FSTL5: variants seen among roughly 807,000 people sequenced by gnomAD.
FSTL5 encodes the protein follistatin like 5, also known as follistatin-related protein 5.
In FSTL5, 62 loss-of-function variants were observed where a neutral mutation model predicts 89.1. That is an observed-to-expected ratio of 0.70 (90% CI 0.57 to 0.86). The LOEUF (loss-of-function observed/expected upper bound fraction) is 0.86, where lower values mean the gene tolerates loss of function less well. Among genes scored for constraint, FSTL5 ranks in the 40% least tolerant of loss-of-function variants. FSTL5 has a pLI of 0.00. For synonymous variants in FSTL5, 383 were observed against 346.2 expected, an observed-to-expected ratio of 1.11 and a Z score of -1.18; for missense variants, 1,057 against 1,001.6, an observed-to-expected ratio of 1.06 and a Z score of -0.75.
chr4:162,094,408 T>C (rs1730667942), intron 2 of FSTL5, among the ~76,000 whole-genome samples: 1 of 152,014 alleles, frequency 6.6e-6, no homozygotes, highest in Non-Finnish European at 1.5e-5. Context: ...GAGTATATAA[T>C]ACCCAACAGA....
chr4:161,424,747 T>C (rs1732113905), intron 15 of FSTL5, among the ~76,000 whole-genome samples: 1 of 152,192 alleles, frequency 6.6e-6, no homozygotes, highest in Admixed American at 6.5e-5. Flanking sequence ...TACTAGGTCC[T>C]AGCAGACCAG....
intron 6 of FSTL5, among the ~76,000 whole-genome samples, chr4:161,758,830 T>C (rs1216114991): frequency 3.3e-5 from 5 of 151,896 alleles, no homozygotes; most frequent in African/African-American, 1.2e-4. Context: ...CTTTGAATTA[T>C]TTTTAAAGAA....
intron 15 of FSTL5, among the ~76,000 whole-genome samples, chr4:161,396,845 A>G (rs1731022192): frequency 6.6e-6 from 1 of 152,122 alleles, no homozygotes; most frequent in African/African-American, 2.4e-5. Context: ...GGTTTGGAGA[A>G]GGAAAATTAA....
At chr4:161,632,715 T>C (rs1246907331) in intron 7 of FSTL5, among the ~76,000 whole-genome samples, 6 of 152,212 alleles carry the variant, frequency 3.9e-5, no homozygotes, top group Non-Finnish European at 8.8e-5. Context: ...ATATTACATA[T>C]TCTTATGAAA....
chr4:162,138,739 A>AT (rs1732611563), intron 1 of FSTL5, among the ~76,000 whole-genome samples: 1 of 152,080 alleles, frequency 6.6e-6, no homozygotes, highest in African/African-American at 2.4e-5. Context: ...TCCTAAATGT[A>AT]TTTTTGTTAT....
chr4:161,410,662 A>T (rs1028450757), intron 15 of FSTL5, among the ~76,000 whole-genome samples: 1 of 152,156 alleles, frequency 6.6e-6, no homozygotes, highest in African/African-American at 2.4e-5. Flanking sequence ...AATGAAAAAA[A>T]TTTTTGAAAT....
At chr4:161,801,389 C>G (rs1432631304) in intron 4 of FSTL5, among the ~76,000 whole-genome samples, 1 of 151,462 alleles carries the variant, frequency 6.6e-6, no homozygotes, top group Non-Finnish European at 1.5e-5. Flanking sequence ...TGGAGCCTGA[C>G]AAAGTCGTTC....
At chr4:161,675,223 C>CTAGTGAAAT (rs200851427) in intron 6 of FSTL5, among the ~76,000 whole-genome samples, 3,298 of 152,006 alleles carry the variant, frequency 0.022, 111 homozygotes, top group African/African-American at 0.074. Context: ...AACTATGTGA[C>CTAGTGAAAT]AACATATTTC....
At chr4:161,960,955 A>T (rs191741309) in intron 3 of FSTL5, among the ~76,000 whole-genome samples, 3 of 152,204 alleles carry the variant, frequency 2.0e-5, no homozygotes, top group Admixed American at 2.0e-4. Context: ...GAAAACTTTA[A>T]AATTTAAATT....
chr4:161,976,016 G>T (rs1735632927), intron 3 of FSTL5, among the ~76,000 whole-genome samples: 1 of 150,478 alleles, frequency 6.6e-6, no homozygotes, highest in Non-Finnish European at 1.5e-5. Context: ...TACTCGGGAG[G>T]CTGAGGCAGG....
chr4:161,969,742 G>A (rs1735428380), intron 3 of FSTL5, among the ~76,000 whole-genome samples: 1 of 152,068 alleles, frequency 6.6e-6, no homozygotes, highest in Admixed American at 6.6e-5. Context: ...CAGGGAAATA[G>A]AAGAAACAGA....
intron 3 of FSTL5, among the ~76,000 whole-genome samples, chr4:161,929,244 CTT>C (rs58570212): frequency 6.9e-6 from 1 of 145,152 alleles, no homozygotes. Context: ...ATTAGCTTTG[CTT>C]TTTTTTTTTG....
At chr4:161,769,936 C>T (rs1353330752) in intron 5 of FSTL5, among the ~76,000 whole-genome samples, 1 of 150,744 alleles carries the variant, frequency 6.6e-6, no homozygotes, top group Non-Finnish European at 1.5e-5. Flanking sequence ...AAACTATTCA[C>T]AATAGCCAAG....
intron 2 of FSTL5, among the ~76,000 whole-genome samples, chr4:162,104,065 C>T (rs545991046): frequency 5.3e-4 from 80 of 152,320 alleles, no homozygotes; most frequent in Non-Finnish European, 3.4e-4. Flanking sequence ...AGCTTTCGCT[C>T]GCCGTCCACC....
chr4:161,805,936 C>A (rs1429943979), intron 4 of FSTL5, among the ~76,000 whole-genome samples: 1 of 151,968 alleles, frequency 6.6e-6, no homozygotes, highest in Admixed American at 6.6e-5. Context: ...ATTCACATAA[C>A]TTTTTTATAG....
chr4:161,740,306 C>T (rs1338043256), intron 6 of FSTL5, among the ~76,000 whole-genome samples: 1 of 152,062 alleles, frequency 6.6e-6, no homozygotes, highest in Non-Finnish European at 1.5e-5. Context: ...AGGTGTGAGC[C>T]ACCAGGCCCG....
chr4:161,998,049 T>G (rs1736353871), intron 3 of FSTL5, among the ~76,000 whole-genome samples: 1 of 152,266 alleles, frequency 6.6e-6, no homozygotes, highest in Admixed American at 6.5e-5. Flanking sequence ...GAAATAGAGT[T>G]GTATGCCTGT....
intron 15 of FSTL5, among the ~76,000 whole-genome samples, chr4:161,392,595 A>C (rs1224109742): frequency 2.0e-5 from 3 of 152,114 alleles, no homozygotes; most frequent in Non-Finnish European, 4.4e-5. Flanking sequence ...CTTTTTCAGG[A>C]GATTAAGAGC....
At chr4:161,663,340 C>A (rs1421165133) in intron 6 of FSTL5, among the ~76,000 whole-genome samples, 1 of 152,154 alleles carries the variant, frequency 6.6e-6, no homozygotes, top group Non-Finnish European at 1.5e-5. Flanking sequence ...AAAATCAAAA[C>A]AAGCTAGTTA....
Sources: allele counts gnomAD v4.1 joint callset (sites outside exome capture counted in the v4.1 genomes callset), GRCh38; gene constraint gnomAD v4.1.1; transcripts MANE v1.5; gene names NCBI Gene and HGNC (gene_info 2026-07-23, HGNC 2026-07-21).